The following TRPC5OS variants were observed in gnomAD, a reference collection of about 807,000 sequenced individuals.
The protein encoded by TRPC5OS is putative uncharacterized protein TRPC5OS.
For missense variants in TRPC5OS, 64 were observed against 79.3 expected (o/e 0.81, Z 0.73); for synonymous variants, 30 against 29.3 (o/e 1.02, Z -0.08).
intron 1 of TRPC5OS, among the ~76,000 whole-genome samples, chrX:111,890,303 C>A (rs2148606385): frequency 8.9e-6 from 1 of 111,965 alleles, no homozygotes; most frequent in African/African-American, 3.2e-5. Flanking sequence ...CATAAACTTT[C>A]TTAAAATGTT....
In TRPC5OS at chrX:111,903,367, A is replaced by G. The variant is rs1357671860; in HGVS notation, c.*1182A>G. 1.8e-5 allele frequency: 2 copies of G among 112,307 alleles called. No homozygotes were observed. Among genetic ancestry groups the G allele is most frequent in the Non-Finnish European group, 3.8e-5 (2 of 53,240 alleles). The allele number at this position is 112,307 out of a possible 1,213,427, so 9.3% of individuals were successfully genotyped here. ...TCAGGAGAGAGAAGCAAATTAATAA[A>G]TTGTCAACAGTTATGCGACGGTTTA... On this transcript the variant is annotated 3_prime_UTR_variant, in exon 4 of 4. Coordinates refer to ENST00000635763, the MANE Select transcript of TRPC5OS (RefSeq NM_001195578.2).
Position 111,902,291 on chromosome X carries a change from C to A in TRPC5OS, c.*106C>A. ...TAGCAATATGTGTTTTCTCATAGTT[C>A]TGCACATTTTCATTACTAATAACCC... On this transcript the variant is annotated 3_prime_UTR_variant, in exon 4 of 4. Coordinates refer to ENST00000635763, the MANE Select transcript of TRPC5OS (RefSeq NM_001195578.2). 2 of 531,207 alleles carry A rather than the reference C, an allele frequency of 3.8e-6. No homozygotes were observed. The highest frequency in any genetic ancestry group is 4.4e-5 in the South Asian group (1 of 22,947). 43.8% of individuals were successfully genotyped at this position (531,207 alleles called of 1,213,427 possible).
chrX:111,876,967 A>C (rs1369757306), intron 1 of TRPC5OS, among the ~76,000 whole-genome samples: 2 of 111,782 alleles, frequency 1.8e-5, no homozygotes, highest in East Asian at 2.8e-4. Flanking sequence ...CCTGAGTTTA[A>C]TGCTGTTCTC....
chrX:111,888,599 C>G (rs1393906467), intron 1 of TRPC5OS, among the ~76,000 whole-genome samples: 2 of 97,011 alleles, frequency 2.1e-5, no homozygotes, highest in Non-Finnish European at 4.0e-5. Context: ...GAGGCTGAGG[C>G]AGGAGAATGG....
intron 1 of TRPC5OS, among the ~76,000 whole-genome samples, chrX:111,887,996 G>C (rs769594010): frequency 8.9e-6 from 1 of 111,944 alleles, no homozygotes; most frequent in African/African-American, 3.3e-5. Context: ...CTGCCAAGTT[G>C]GGAGGGGGAG....
intron 1 of TRPC5OS, among the ~76,000 whole-genome samples, chrX:111,883,563 A>G (rs1924332470): frequency 8.8e-6 from 1 of 113,020 alleles, no homozygotes; most frequent in Non-Finnish European, 1.9e-5. Context: ...GTTAAAGCCT[A>G]GCCAGGGCCT....
chrX:111,879,364 A>T (rs1227310933), intron 1 of TRPC5OS, among the ~76,000 whole-genome samples: 2 of 112,247 alleles, frequency 1.8e-5, no homozygotes, highest in Non-Finnish European at 3.8e-5. Context: ...CTGTGGTCCC[A>T]GGAAGATGTT....
At position 111,899,146 on chromosome X, in the gene TRPC5OS, T is replaced by TA. The variant is rs1269634857; in HGVS notation, c.-310-2385dup. Among the ~76,000 whole-genome samples, 54 of 108,121 alleles carry TA rather than the reference T, an allele frequency of 5.0e-4. No individual in the cohort carries two copies. In the South Asian group the frequency reaches 8.8e-3, roughly 18 times the overall value. The allele number at this position is 108,121 out of a possible 115,157, so 93.9% of individuals were successfully genotyped here. On this transcript the variant is annotated intron_variant, in intron 3 of 3. Coordinates refer to ENST00000635763, the MANE Select transcript of TRPC5OS (RefSeq NM_001195578.2). Reference sequence around the variant, plus strand: ...AAATTCTGAGATTGAGAATAAAAAATAAAAAAAAAGCTAATACAAGGGTCA... The same window carrying TA: ...AAATTCTGAGATTGAGAATAAAAAATAAAAAAAAAAGCTAATACAAGGGTCA...
chrX:111,888,583 A>G (rs1333161238), intron 1 of TRPC5OS, among the ~76,000 whole-genome samples: 4 of 103,740 alleles, frequency 3.9e-5, no homozygotes, highest in African/African-American at 1.4e-4. Context: ...AATCCCAGCT[A>G]CTTGGGAGGC....
intron 3 of TRPC5OS, among the ~76,000 whole-genome samples, chrX:111,901,323 T>C (rs1925333602): frequency 9.0e-6 from 1 of 111,149 alleles, no homozygotes; most frequent in African/African-American, 3.3e-5. Flanking sequence ...CTCACTTTTC[T>C]CCCAAATCTC....
chrX:111,903,353 A>G lies in TRPC5OS; in HGVS notation c.*1168A>G, dbSNP rs1925452151. Reference sequence around the variant, plus strand: ...TGGGGACGGTGTTTTCAGGAGAGAGAAGCAAATTAATAAATTGTCAACAGT... The same window carrying G: ...TGGGGACGGTGTTTTCAGGAGAGAGGAGCAAATTAATAAATTGTCAACAGT... On this transcript the variant is annotated 3_prime_UTR_variant, in exon 4 of 4. Coordinates refer to ENST00000635763, the MANE Select transcript of TRPC5OS (RefSeq NM_001195578.2). 8.9e-6 allele frequency: 1 copy of G among 112,271 alleles called. No homozygotes were observed. The highest frequency in any genetic ancestry group is 1.9e-5 in the Non-Finnish European group (1 of 53,232). The allele number at this position is 112,271 out of a possible 1,213,427, so 9.3% of individuals were successfully genotyped here. A position where few individuals can be genotyped will look rare whatever the true frequency, so the allele number is the denominator to read the frequency against.
chrX:111,882,704 G>T (rs1041340179), intron 1 of TRPC5OS, among the ~76,000 whole-genome samples: 44 of 112,645 alleles, frequency 3.9e-4, no homozygotes, highest in African/African-American at 1.4e-3. Context: ...TCTCACCAGG[G>T]GCTAAGCCCA....
intron 1 of TRPC5OS, among the ~76,000 whole-genome samples, chrX:111,889,597 C>T (rs770353772): frequency 8.9e-6 from 1 of 112,199 alleles, no homozygotes; most frequent in African/African-American, 3.2e-5. Flanking sequence ...ATGGGATTCA[C>T]TCTTTACCCA....
chrX:111,878,308 G>A (rs73546187), intron 1 of TRPC5OS, among the ~76,000 whole-genome samples: 26,264 of 108,302 alleles, frequency 0.24, 7,397 homozygotes, highest in African/African-American at 0.81. Context: ...TGTAGAAAAA[G>A]AAAAAGAAAA....
chrX:111,882,821 C>T (rs1178230397), intron 1 of TRPC5OS, among the ~76,000 whole-genome samples: 2 of 112,326 alleles, frequency 1.8e-5, no homozygotes, highest in African/African-American at 6.5e-5. Flanking sequence ...CGCTGTGGCT[C>T]ATGCCTGTAA....
intron 1 of TRPC5OS, among the ~76,000 whole-genome samples, chrX:111,894,870 C>T (rs1331008601): frequency 9.0e-6 from 1 of 111,463 alleles, no homozygotes; most frequent in African/African-American, 3.3e-5. Flanking sequence ...TCCTCATATC[C>T]CTTCCCAGTC....
intron 3 of TRPC5OS, among the ~76,000 whole-genome samples, chrX:111,899,004 T>C (rs1000822892): frequency 1.8e-5 from 2 of 110,625 alleles, no homozygotes; most frequent in African/African-American, 6.6e-5. Flanking sequence ...AGTTGGTTGC[T>C]TTGGAAATTA....
intron 3 of TRPC5OS, among the ~76,000 whole-genome samples, chrX:111,899,959 C>T (rs1165317725): frequency 1.8e-5 from 2 of 110,720 alleles, no homozygotes; most frequent in East Asian, 2.8e-4. Flanking sequence ...ATCGTTGTGA[C>T]CCTTATCATC....
intron 1 of TRPC5OS, among the ~76,000 whole-genome samples, chrX:111,895,401 G>T (rs368805501): frequency 2.0e-4 from 22 of 111,782 alleles, no homozygotes; most frequent in African/African-American, 7.1e-4. Context: ...GTATTGATTT[G>T]TAGTTTAAAA....
Sources: gnomAD v4.1 joint callset for allele counts (sites outside exome capture counted in the v4.1 genomes callset) on GRCh38, gnomAD v4.1.1 for gene constraint, MANE v1.5 for transcripts, NCBI Gene and HGNC (gene_info 2026-07-23, HGNC 2026-07-21) for gene names.